The following ERAP1 variants were observed in gnomAD, a reference collection of about 807,000 sequenced individuals.
The protein encoded by ERAP1 is adipocyte-derived leucine aminopeptidase.
Under a neutral mutation model 103.7 loss-of-function variants are expected in ERAP1, and 86 were observed. That is an observed-to-expected ratio of 0.83 (90% CI 0.70 to 0.99). ERAP1 has a LOEUF of 0.99. Among genes scored for constraint, ERAP1 ranks in the 50% least tolerant of loss-of-function variants. ERAP1 has a pLI of 0.00. For synonymous variants in ERAP1, 398 were observed against 402.4 expected (o/e 0.99, Z 0.13); for missense variants, 1,009 against 1,128.4 (o/e 0.89, Z 1.52).
At chr5:96,882,357 A>T in the ERAP1 span, among the ~76,000 whole-genome samples, 1 of 152,178 alleles carries the variant, frequency 6.6e-6, no homozygotes, top group African/African-American at 2.4e-5. Context: ...ACTTTCCAGC[A>T]TGCCTCCCGT....
rs763989813 is a variant in ERAP1 at position 96,783,964 on chromosome 5, A to C, written c.2060T>G (p.Met687Arg). Residue 687 changes from methionine (M) to arginine (R), a missense_variant, in exon 14 of 19, where the codon ATG becomes AGG. Transcript: ENST00000443439. ...LNELIPMYKL[M>R]EKRDMNEVET... ...CACTTCATTCATATCTCTTTTCTCC[A>C]TTAACTTATACATAGGAATCAGCTC... 6.2e-7 allele frequency: 1 copy of C among 1,613,824 alleles called. No individual in the cohort carries two copies. Among genetic ancestry groups the C allele is most frequent in the Admixed American group, 1.7e-5 (1 of 60,002 alleles).
At chr5:96,903,510 C>T in the ERAP1 span, 2 of 1,613,934 alleles carry the variant, frequency 1.2e-6, no homozygotes, top group Admixed American at 1.7e-5. Flanking sequence ...ACACACTTCT[C>T]AGACCTAAGG....
chr5:96,761,280 T>G (rs1767858475), exon 20 of ERAP1: 1 of 152,244 alleles, frequency 6.6e-6, no homozygotes, highest in African/African-American at 2.4e-5. Flanking sequence ...TTCTTTTCAT[T>G]TGACAACTTG....
At chr5:96,792,280 A>C in intron 7 of ERAP1, 88 bp from the exon 8 acceptor site, 1 of 1,319,742 alleles carries the variant, frequency 7.6e-7, no homozygotes, top group Non-Finnish European at 1.1e-6. Context: ...TGAGGCAAGA[A>C]GTCCATACTT....
the ERAP1 span, chr5:96,901,736 T>C: frequency 6.5e-7 from 1 of 1,550,296 alleles, no homozygotes; most frequent in Non-Finnish European, 8.8e-7. Flanking sequence ...TCCTCGTTAT[T>C]TCCTTAGCTT....
chr5:96,781,721 T>C lies in ERAP1; in HGVS notation c.2419A>G (p.Arg807Gly), dbSNP rs2150904347. The change falls in exon 16 of 19, where the codon AGA becomes GGA. Residue 807 changes from arginine to glycine, a missense_variant. Physicochemically the swap from Arg to Gly is moderately radical, Grantham distance 125 (BLOSUM62 -2). Coordinates refer to ENST00000443439, the MANE Select transcript of ERAP1 (RefSeq NM_001040458.3). ...EKSQIEFALC[R>G]TQNKEKLQWL... is the part of the protein sequence containing the mutation. ...TGAAGCTTTTCCTTATTTTGGGTTC[T>C]GCAGAGGGCAAATTCAATTTGGCTT... The C allele has an allele frequency of 6.2e-7, 1 of 1,614,218 alleles. No homozygotes were observed. The highest frequency in any genetic ancestry group is 2.2e-5 in the East Asian group (1 of 44,890).
chr5:96,903,097 A>G, the ERAP1 span, among the ~76,000 whole-genome samples: 1 of 152,188 alleles, frequency 6.6e-6, no homozygotes. Context: ...CATCTGGCTC[A>G]CTGGGCCCTT....
chr5:96,866,178 C>T, the ERAP1 span, among the ~76,000 whole-genome samples: 1 of 152,168 alleles, frequency 6.6e-6, no homozygotes, highest in African/African-American at 2.4e-5. Context: ...GCCTTATTCT[C>T]TCATTATGCC....
At chr5:96,803,977 T>C in intron 1 of ERAP1, 34 bp from the exon 2 acceptor site, 2 of 1,595,290 alleles carry the variant, frequency 1.3e-6, no homozygotes, top group African/African-American at 1.3e-5. Context: ...CAAAAATATA[T>C]GTCATTAAAA....
chr5:96,868,541 C>T, the ERAP1 span, among the ~76,000 whole-genome samples: 1 of 152,090 alleles, frequency 6.6e-6, no homozygotes, highest in East Asian at 1.9e-4. Context: ...AGTGTCTTGC[C>T]CAAGTCCACT....
At chr5:96,770,179 C>T (rs1300593688), downstream of ERAP1, 1 of 236,464 alleles carries the variant, frequency 4.2e-6, no homozygotes, top group African/African-American at 2.2e-5. Context: ...TCTACATCCC[C>T]ACTGACAGTG....
the ERAP1 span, among the ~76,000 whole-genome samples, chr5:96,832,156 A>G: frequency 6.6e-6 from 1 of 152,164 alleles, no homozygotes. Flanking sequence ...TTTTACAATA[A>G]TTAGGTACAG....
At chr5:96,869,996 G>T in the ERAP1 span, among the ~76,000 whole-genome samples, 251 of 152,278 alleles carry the variant, frequency 1.6e-3, 1 homozygote, top group African/African-American at 5.8e-3. Context: ...AGATAGTGAA[G>T]AATTACTAAG....
At chr5:96,909,722 C>T in the ERAP1 span, 1 of 1,614,194 alleles carries the variant, frequency 6.2e-7, no homozygotes, top group Non-Finnish European at 8.5e-7. Flanking sequence ...CAGAAAGCTG[C>T]TGAACTCTTC....
the ERAP1 span, among the ~76,000 whole-genome samples, chr5:96,894,547 T>A: frequency 6.6e-6 from 1 of 152,090 alleles, no homozygotes; most frequent in African/African-American, 2.4e-5. Flanking sequence ...AAATAAAACA[T>A]AAAAGCACAT....
the ERAP1 span, among the ~76,000 whole-genome samples, chr5:96,914,410 T>C: frequency 6.6e-6 from 1 of 152,200 alleles, no homozygotes; most frequent in South Asian, 2.1e-4. Flanking sequence ...CTCTCCCAAA[T>C]GCTCAAGGAG....
chr5:96,895,144 T>C, the ERAP1 span: 8 of 638,522 alleles, frequency 1.3e-5, no homozygotes, highest in African/African-American at 2.2e-5. Context: ...AGAAGAGAGA[T>C]CCTAACTAAT....
At chr5:96,914,155 C>CAT in the ERAP1 span, among the ~76,000 whole-genome samples, 1 of 151,128 alleles carries the variant, frequency 6.6e-6, no homozygotes. Flanking sequence ...CTCTCACACA[C>CAT]ACACACACAC....
chr5:96,810,197 C>T (rs1779074215), upstream of ERAP1, among the ~76,000 whole-genome samples: 1 of 152,306 alleles, frequency 6.6e-6, no homozygotes, highest in Non-Finnish European at 1.5e-5. Context: ...GATTTGGCAG[C>T]ATTCACTTCT....
Sources: allele counts gnomAD v4.1 joint callset (sites outside exome capture counted in the v4.1 genomes callset), GRCh38; gene constraint gnomAD v4.1.1; transcripts MANE v1.5; gene names NCBI Gene and HGNC (gene_info 2026-07-23, HGNC 2026-07-21).